RPRD2: variants seen among roughly 807,000 people sequenced by gnomAD.
RPRD2 encodes regulation of nuclear pre-mRNA domain-containing protein 2.
A neutral mutation model predicts 104.4 loss-of-function variants in RPRD2; 12 were observed. That is an observed-to-expected ratio of 0.11 (90% CI 0.07 to 0.19). The LOEUF is 0.19. Ranked by LOEUF, RPRD2 falls within the 10% of genes least tolerant of loss-of-function variation. The pLI is 1.00. For synonymous variants in RPRD2, 714 were observed against 684.9 expected, an observed-to-expected ratio of 1.04 and a Z score of -0.66; for missense variants, 1,543 against 1,790.1, an observed-to-expected ratio of 0.86 and a Z score of 2.49.
intron 1 of RPRD2, among the ~76,000 whole-genome samples, chr1:150,400,940 G>T (rs1662942366): frequency 1.3e-5 from 2 of 151,988 alleles, no homozygotes; most frequent in Admixed American, 1.3e-4. Flanking sequence ...ACTTTGGGAG[G>T]CCAAGGTGGG....
chr1:150,385,619 C>G (rs587682954), intron 1 of RPRD2, among the ~76,000 whole-genome samples: 3 of 152,270 alleles, frequency 2.0e-5, no homozygotes, highest in East Asian at 3.9e-4. Context: ...CTCCTACTGG[C>G]TTTGCCATGT....
At chr1:150,420,905 A>G (rs1410914075) in intron 2 of RPRD2, among the ~76,000 whole-genome samples, 1 of 152,242 alleles carries the variant, frequency 6.6e-6, no homozygotes, top group African/African-American at 2.4e-5. Flanking sequence ...CAGGTAATAT[A>G]ATTATCTACA....
intron 1 of RPRD2, among the ~76,000 whole-genome samples, chr1:150,373,240 C>T (rs587698205): frequency 1.2e-3 from 179 of 152,226 alleles, no homozygotes; most frequent in African/African-American, 4.1e-3. Flanking sequence ...TCTCGAACTC[C>T]TGACCTCAAG....
At chr1:150,376,611 T>C (rs2794675) in intron 1 of RPRD2, among the ~76,000 whole-genome samples, 2 of 151,458 alleles carry the variant, frequency 1.3e-5, no homozygotes, top group South Asian at 2.1e-4. Flanking sequence ...CGCCATTCTC[T>C]CGCCTCAGCC....
intron 1 of RPRD2, among the ~76,000 whole-genome samples, chr1:150,383,015 CAG>C (rs757408633): frequency 3.0e-4 from 45 of 151,838 alleles, no homozygotes; most frequent in Non-Finnish European, 5.4e-4. Context: ...TTTTTTGAAA[CAG>C]AGTCTCACTG....
intron 1 of RPRD2, among the ~76,000 whole-genome samples, chr1:150,398,523 T>TC: frequency 6.6e-6 from 1 of 150,472 alleles, no homozygotes; most frequent in South Asian, 2.1e-4. Flanking sequence ...TTTCCTTCCT[T>TC]CTTTCCTTCC....
intron 8 of RPRD2, among the ~76,000 whole-genome samples, chr1:150,458,041 T>A (rs1007391108): frequency 4.6e-5 from 7 of 151,030 alleles, no homozygotes; most frequent in African/African-American, 1.7e-4. Context: ...TGCACTCCAG[T>A]CTGGGAGACA....
chr1:150,461,390 A>G (rs1004274028), intron 9 of RPRD2, among the ~76,000 whole-genome samples: 1 of 152,266 alleles, frequency 6.6e-6, no homozygotes, highest in African/African-American at 2.4e-5. Flanking sequence ...TGTATTGCAT[A>G]TACTGTTTCA....
rs773619747 is a variant in RPRD2, at chr1:150,471,791, C to T, written c.2843C>T (p.Ser948Phe). ...CCTGACTCCAACCACAATAGCTTGT[C>T]TCAATCTACCACTGGGCATCTCAGT... is the stretch of plus-strand genomic sequence containing the variant. Reference protein sequence around the residue: ...FTPDSNHNSLSQSTTGHLSLP... With the variant: ...FTPDSNHNSLFQSTTGHLSLP... Residue 948 changes from serine to phenylalanine, a missense_variant, in exon 11 of 11, where the codon TCT (serine) becomes TTT (phenylalanine). Coordinates refer to ENST00000369068, the MANE Select transcript of RPRD2 (RefSeq NM_015203.5). The surrounding 1 kb of genome is among the most constrained non-coding windows in gnomAD (Gnocchi z 5.3). 14 of 1,613,928 alleles carry T rather than the reference C, an allele frequency of 8.7e-6. No homozygotes were observed. The highest frequency in any genetic ancestry group is 1.2e-5 in the Non-Finnish European group (14 of 1,179,870).
chr1:150,420,948 ATAGT>A (rs1664717805), intron 2 of RPRD2, among the ~76,000 whole-genome samples: 1 of 152,238 alleles, frequency 6.6e-6, no homozygotes, highest in South Asian at 2.1e-4. Context: ...TAAAGGGTCG[ATAGT>A]TAAGTAGTTT....
chr1:150,473,270 C>T lies in RPRD2; in HGVS notation c.4322C>T (p.Pro1441Leu). 6.2e-7 allele frequency: 1 copy of T among 1,613,902 alleles called. No individual in the cohort carries two copies. The highest frequency in any genetic ancestry group is 1.1e-5 in the South Asian group (1 of 91,086). Residue 1441 changes from proline (P) to leucine (L), a missense_variant, in exon 11 of 11, where the codon CCA becomes CTA. Physicochemically the swap from Pro to Leu is moderately conservative, Grantham distance 98 (BLOSUM62 -3). Around this residue, in one of 4 missense-constraint regions of RPRD2, gnomAD observed 880 missense variants for 885.6 expected, o/e 0.99. Coordinates refer to ENST00000369068, the MANE Select transcript of RPRD2 (RefSeq NM_015203.5). ...DPFHSLKRPRPPFARGPPFFA... is the reference protein window; with the variant it reads ...DPFHSLKRPRLPFARGPPFFA... ...TTTCACAGTTTAAAGAGACCCAGGCCACCTTTTGCTAGGGGCCCTCCGTTC... is the reference window on the plus strand; with the variant it reads ...TTTCACAGTTTAAAGAGACCCAGGCTACCTTTTGCTAGGGGCCCTCCGTTC...
chr1:150,391,248 A>G (rs1395917215), intron 1 of RPRD2, among the ~76,000 whole-genome samples: 3 of 152,212 alleles, frequency 2.0e-5, no homozygotes, highest in African/African-American at 7.2e-5. Flanking sequence ...AGGGCAAAAT[A>G]AAGACATTTC....
chr1:150,447,946 T>C (rs1666900706), intron 7 of RPRD2, among the ~76,000 whole-genome samples: 1 of 152,230 alleles, frequency 6.6e-6, no homozygotes, highest in Non-Finnish European at 1.5e-5. Flanking sequence ...CAGATGTGGA[T>C]TTAGCTTATA....
At chr1:150,431,472 G>GTTTTTTTTTTTTTTTT (rs1553891696) in intron 2 of RPRD2, among the ~76,000 whole-genome samples, 1 of 65,760 alleles carries the variant, frequency 1.5e-5, no homozygotes, top group African/African-American at 6.6e-5. Flanking sequence ...AAAAAGGAAG[G>GTTTTTTTTTTTTTTTT]ATTTTTTTTT....
At chr1:150,386,793 G>C (rs1043675562) in intron 1 of RPRD2, among the ~76,000 whole-genome samples, 1 of 152,148 alleles carries the variant, frequency 6.6e-6, no homozygotes, top group African/African-American at 2.4e-5. Flanking sequence ...GGTGTTTTGA[G>C]TGGATACTCA....
chr1:150,431,524 TG>T (rs1665591203), intron 2 of RPRD2, among the ~76,000 whole-genome samples: 1 of 137,902 alleles, frequency 7.3e-6, no homozygotes, highest in Non-Finnish European at 1.5e-5. Flanking sequence ...CTTGTTGCCC[TG>T]GCTGGAGTTC....
chr1:150,470,838 G>T lies in RPRD2; in HGVS notation c.1890G>T (p.Gly630=), dbSNP rs780626681. The change falls in exon 11 of 11, where the codon GGG becomes GGT. Residue 630 remains glycine (G), a synonymous_variant. Coordinates refer to ENST00000369068, the MANE Select transcript of RPRD2 (RefSeq NM_015203.5). The part of the protein sequence containing the change: ...TTFKLPSNSL[G]FTATHNTSPA... ...TTAAACTACCTTCCAACTCTTTGGG[G>T]TTTACAGCTACCCACAATACTAGCC... 31 of 1,613,954 alleles carry T rather than the reference G, an allele frequency of 1.9e-5. No individual in the cohort carries two copies. Among genetic ancestry groups the T allele is most frequent in the Non-Finnish European group, 2.5e-5 (29 of 1,179,894 alleles).
rs1365645979 is a variant in RPRD2 at position 150,464,507 on chromosome 1, G to A, written c.1412-20G>A. The A allele has an allele frequency of 1.3e-6, 2 of 1,572,304 alleles. No homozygotes were observed. Among genetic ancestry groups the A allele is most frequent in the African/African-American group, 1.4e-5 (1 of 73,740 alleles). On this transcript the variant is annotated intron_variant, in intron 9 of 10. Transcript: ENST00000369068. ...GTCATTTTGAATTGCATTTTCTTGA[G>A]TTCATCTTTCTGCCACCAGGGGTCA...
rs1282918259 is a variant in RPRD2, at chr1:150,364,159, C to G, written c.-556C>G. On this transcript the variant is annotated 5_prime_UTR_variant, in exon 1 of 11. Transcript: ENST00000369068. ...GCGCGTGCGCGATACTGTTGCTGCC[C>G]CTTTGCTGCTATTGCGTTGCAAAAA... Among the ~76,000 whole-genome samples, 1 of 152,166 alleles carries G rather than the reference C, an allele frequency of 6.6e-6. No homozygotes were observed. The highest frequency in any genetic ancestry group is 1.5e-5 in the Non-Finnish European group (1 of 68,036).
Sources: gnomAD v4.1 joint callset for allele counts (sites outside exome capture counted in the v4.1 genomes callset) on GRCh38, gnomAD v4.1.1 for gene constraint, gnomAD v4.1.1 regional missense constraint, Gnocchi (gnomAD v3.1) non-coding constraint, MANE v1.5 for transcripts, NCBI Gene and HGNC (gene_info 2026-07-23, HGNC 2026-07-21) for gene names.